Variants in CCDC141 observed in about 807,000 individuals in gnomAD.
The protein encoded by CCDC141 is coiled-coil domain containing 141.
CCDC141 carries 168 observed loss-of-function variants against 181.0 expected under a neutral mutation model. The observed-to-expected ratio is 0.93, with a 90% CI of 0.82 to 1.05. The LOEUF (loss-of-function observed/expected upper bound fraction) is 1.05. CCDC141 is among the 50% of genes least tolerant of loss of function. The pLI is 0.00. For missense variants in CCDC141, 1,902 were observed against 1,788.5 expected, an observed-to-expected ratio of 1.06 and a Z score of -1.14; for synonymous variants, 666 against 642.3, an observed-to-expected ratio of 1.04 and a Z score of -0.56.
intron 10 of CCDC141, 139 bp downstream of exon 10, chr2:178,886,613 T>C: frequency 1.8e-6 from 1 of 552,616 alleles, no homozygotes; most frequent in East Asian, 3.4e-5. Flanking sequence ...AGAATATGAG[T>C]TTTTAAGTCA....
chr2:178,870,231 CAAAAAAAAAAA>C (rs34625707), intron 14 of CCDC141, among the ~76,000 whole-genome samples: 1 of 60,290 alleles, frequency 1.7e-5, no homozygotes. Flanking sequence ...GACTCTGTCT[CAAAAAAAAAAA>C]AAAAAAAAAA....
At chr2:178,943,446 G>T (rs1689601137) in intron 6 of CCDC141, among the ~76,000 whole-genome samples, 1 of 152,068 alleles carries the variant, frequency 6.6e-6, no homozygotes, top group South Asian at 2.1e-4. Flanking sequence ...CCCATGAAAA[G>T]ATTTAAGTCT....
chr2:178,881,735 T>A (rs576171328), intron 11 of CCDC141, among the ~76,000 whole-genome samples: 3 of 151,534 alleles, frequency 2.0e-5, no homozygotes, highest in East Asian at 3.9e-4. Context: ...CAAAAAAAAA[T>A]ACAAAAAAAT....
chr2:178,945,461 G>A (rs1689689199), intron 5 of CCDC141, among the ~76,000 whole-genome samples: 1 of 152,096 alleles, frequency 6.6e-6, no homozygotes, highest in Non-Finnish European at 1.5e-5. Context: ...TTTTAGAGAT[G>A]CGGTAACTGA....
chr2:178,845,812 T>A (rs780880401), intron 21 of CCDC141, 70 bp from the exon 22 acceptor site: 1 of 890,262 alleles, frequency 1.1e-6, no homozygotes, highest in South Asian at 1.3e-5. Context: ...CACTAACTAC[T>A]TGGAAGAAAA....
At position 178,837,212 on chromosome 2, in the gene CCDC141, G is replaced by A; in HGVS notation, c.4007C>T (p.Pro1336Leu). ...EVHERALQQH[P>L]QAQGGLLETR... The stretch of plus-strand genomic sequence containing the variant: ...TTCTAGCAAACCACCCTGAGCCTGA[G>A]GGTGCTGCTGTAAAGCTCTCTCATG... The change falls in exon 23 of 24, where the codon CCT (proline) becomes CTT (leucine). Residue 1336 changes from proline (P) to leucine (L), a missense_variant. Pro to Leu is a moderately conservative substitution (Grantham distance 98). Coordinates refer to ENST00000443758, the MANE Select transcript of CCDC141 (RefSeq NM_173648.4). 3 of 1,613,966 alleles carry A rather than the reference G, an allele frequency of 1.9e-6. No homozygotes were observed. The highest frequency in any genetic ancestry group is 2.5e-6 in the Non-Finnish European group (3 of 1,179,962).
intron 2 of CCDC141, among the ~76,000 whole-genome samples, chr2:179,034,355 G>C (rs1194084864): frequency 7.2e-5 from 11 of 152,152 alleles, no homozygotes. Context: ...GGAGGGTAGA[G>C]GGTGGGAGGA....
At chr2:178,840,554 A>C (rs1357683025) in intron 22 of CCDC141, among the ~76,000 whole-genome samples, 1 of 152,256 alleles carries the variant, frequency 6.6e-6, no homozygotes, top group East Asian at 1.9e-4. Flanking sequence ...TGAGGCCCTC[A>C]CTTTTGGATT....
At chr2:178,983,478 G>A (rs559623627) in intron 2 of CCDC141, among the ~76,000 whole-genome samples, 24 of 152,082 alleles carry the variant, frequency 1.6e-4, no homozygotes, top group Admixed American at 6.5e-4. Flanking sequence ...TGACTTTGAC[G>A]AGCTGAGAGA....
At chr2:179,011,014 C>G (rs990247259) in intron 2 of CCDC141, among the ~76,000 whole-genome samples, 4 of 151,914 alleles carry the variant, frequency 2.6e-5, no homozygotes, top group African/African-American at 7.3e-5. Context: ...AAAAATTAGC[C>G]AGGTGTGATG....
chr2:178,892,192 G>A (rs942088305), intron 8 of CCDC141, among the ~76,000 whole-genome samples: 1 of 150,654 alleles, frequency 6.6e-6, no homozygotes, highest in Non-Finnish European at 1.5e-5. Context: ...TTATAGTTAC[G>A]TTAAACCAAA....
intron 5 of CCDC141, among the ~76,000 whole-genome samples, chr2:178,961,013 TC>T (rs1196086177): frequency 6.6e-6 from 1 of 152,244 alleles, no homozygotes; most frequent in Non-Finnish European, 1.5e-5. Context: ...AGGTGTTCTC[TC>T]ATTTATACAA....
At chr2:178,961,936 G>C (rs998249688) in intron 4 of CCDC141, among the ~76,000 whole-genome samples, 6 of 152,182 alleles carry the variant, frequency 3.9e-5, no homozygotes, top group African/African-American at 1.4e-4. Flanking sequence ...TGACAAAGTG[G>C]AAAATGCTTG....
At chr2:179,036,840 G>A (rs1307025992) in intron 2 of CCDC141, among the ~76,000 whole-genome samples, 5 of 152,220 alleles carry the variant, frequency 3.3e-5, no homozygotes, top group Non-Finnish European at 7.3e-5. Flanking sequence ...ATACGTGTTT[G>A]AATTTGGAAG....
chr2:179,044,400 A>T (rs1051570329), intron 2 of CCDC141, among the ~76,000 whole-genome samples: 1 of 152,232 alleles, frequency 6.6e-6, no homozygotes, highest in Non-Finnish European at 1.5e-5. Flanking sequence ...ACCCAACTTC[A>T]AACTATACTA....
At chr2:178,967,509 G>C (rs1476061109) in intron 4 of CCDC141, among the ~76,000 whole-genome samples, 1 of 152,156 alleles carries the variant, frequency 6.6e-6, no homozygotes, top group Non-Finnish European at 1.5e-5. Flanking sequence ...AAGCGAAGGA[G>C]AAATAAAATC....
At chr2:178,979,850 C>T (rs190395486) in intron 2 of CCDC141, among the ~76,000 whole-genome samples, 2 of 152,116 alleles carry the variant, frequency 1.3e-5, no homozygotes, top group Admixed American at 1.3e-4. Context: ...ACAAGAACTA[C>T]AATTATGGAC....
intron 2 of CCDC141, among the ~76,000 whole-genome samples, chr2:179,036,578 A>AGG (rs2043152232): frequency 6.6e-6 from 1 of 152,228 alleles, no homozygotes; most frequent in Admixed American, 6.5e-5. Context: ...CAAGCGAGGC[A>AGG]GGGAAAGTCA....
chr2:179,034,782 T>C (rs1311494365), intron 2 of CCDC141, among the ~76,000 whole-genome samples: 2 of 152,230 alleles, frequency 1.3e-5, no homozygotes, highest in Non-Finnish European at 2.9e-5. Context: ...TTAATGATTG[T>C]TTCATTTCTC....
Sources: gnomAD v4.1 joint callset for allele counts (sites outside exome capture counted in the v4.1 genomes callset) on GRCh38, gnomAD v4.1.1 for gene constraint, MANE v1.5 for transcripts, NCBI Gene and HGNC (gene_info 2026-07-23, HGNC 2026-07-21) for gene names.